The following EBF3 variants were observed in gnomAD, a reference collection of about 807,000 sequenced individuals.
EBF3 encodes EBF transcription factor 3, also known as transcription factor COE3.
A neutral mutation model predicts 77.1 loss-of-function variants in EBF3; 18 were observed. The ratio of observed to expected loss-of-function variants is 0.23; its 90% CI spans 0.16 to 0.35. EBF3 has a LOEUF of 0.35. Ranked by LOEUF, EBF3 falls within the 10% of genes least tolerant of loss-of-function variation. The pLI is 1.00. For synonymous variants in EBF3, 350 were observed against 343.5 expected, an observed-to-expected ratio of 1.02 and a Z score of -0.21; for missense variants, 558 against 860.0, an observed-to-expected ratio of 0.65 and a Z score of 4.39.
Position 129,840,458 on chromosome 10 carries a change from C to T in EBF3, c.1562-16G>A. 5.2e-6 allele frequency: 8 copies of T among 1,546,584 alleles called. No individual in the cohort carries two copies. The highest frequency in any genetic ancestry group is 7.0e-6 in the Non-Finnish European group (8 of 1,143,438). ...GACGGCACTACTGCAACAAAGCAAA[C>T]ACGGTCAGCACGCGCGGCCGCGGCA... On this transcript the variant is annotated splice_polypyrimidine_tract_variant and intron_variant, in intron 14 of 16. Coordinates refer to ENST00000440978, the MANE Select transcript of EBF3 (RefSeq NM_001375380.1).
intron 6 of EBF3, among the ~76,000 whole-genome samples, chr10:129,911,143 C>T (rs943983150): frequency 2.0e-5 from 3 of 152,230 alleles, no homozygotes; most frequent in South Asian, 2.1e-4. Context: ...TGCCCCCACA[C>T]GGCACATGGC....
intron 5 of EBF3, 61 bp from the exon 6 acceptor site, chr10:129,957,387 T>TC: frequency 7.5e-7 from 1 of 1,338,960 alleles, no homozygotes; most frequent in Non-Finnish European, 1.0e-6. Flanking sequence ...GCCCGACTTG[T>TC]ATTTTTTTTT....
At chr10:129,868,046 C>T (rs1852154158) in intron 8 of EBF3, 134 bp from the exon 9 acceptor site, 2 of 1,213,602 alleles carry the variant, frequency 1.6e-6, no homozygotes, top group Non-Finnish European at 2.3e-6. Flanking sequence ...ACGCAAAGGG[C>T]AACCGTAGAT....
chr10:129,958,012 C>T (rs1859168427), intron 5 of EBF3, among the ~76,000 whole-genome samples: 1 of 152,226 alleles, frequency 6.6e-6, no homozygotes, highest in African/African-American at 2.4e-5. Flanking sequence ...TAAAGAAAGT[C>T]TACAGTCTTC....
chr10:129,930,878 C>G (rs1396923017), intron 6 of EBF3, among the ~76,000 whole-genome samples: 1 of 148,874 alleles, frequency 6.7e-6, no homozygotes, highest in Non-Finnish European at 1.5e-5. Flanking sequence ...ATCCCCCTCT[C>G]ATATACCTAT....
intron 10 of EBF3, among the ~76,000 whole-genome samples, chr10:129,865,974 G>T (rs1339557043): frequency 6.6e-6 from 1 of 152,162 alleles, no homozygotes; most frequent in Admixed American, 6.5e-5. Flanking sequence ...TGCACATGCA[G>T]GTCAAGCCCA....
At chr10:129,958,216 A>G (rs1859186037) in intron 5 of EBF3, among the ~76,000 whole-genome samples, 1 of 152,268 alleles carries the variant, frequency 6.6e-6, no homozygotes, top group African/African-American at 2.4e-5. Flanking sequence ...CCGGCATCAT[A>G]GCCAGGCGGA....
intron 5 of EBF3, among the ~76,000 whole-genome samples, 184 bp downstream of exon 5, chr10:129,958,750 C>CAGCGCTGGGGGGAAGG: frequency 6.6e-6 from 1 of 152,312 alleles, no homozygotes; most frequent in South Asian, 2.1e-4. Context: ...CGTTGATCGT[C>CAGCGCTGGGGGGAAGG]AGCGCTGGGG....
rs538629722 is a variant in EBF3, at chr10:129,837,871, G to A, written c.*72C>T. Reference sequence around the variant, plus strand: ...ATCAGCATGTCTTAATATACTAAACGTGTCCCCTGAAGTCCGTCCTTTGAT... The same window carrying A: ...ATCAGCATGTCTTAATATACTAAACATGTCCCCTGAAGTCCGTCCTTTGAT... On this transcript the variant is annotated 3_prime_UTR_variant, in exon 17 of 17. Transcript: ENST00000440978. 3.0e-5 allele frequency: 48 copies of A among 1,606,350 alleles called. No homozygotes were observed. Among genetic ancestry groups the A allele is most frequent in the South Asian group, 2.0e-4 (18 of 90,786 alleles).
At chr10:129,859,333 C>A (rs147615228) in intron 10 of EBF3, among the ~76,000 whole-genome samples, 1 of 152,090 alleles carries the variant, frequency 6.6e-6, no homozygotes, top group Non-Finnish European at 1.5e-5. Flanking sequence ...GAGATTCTCC[C>A]GTCTCAGCCT....
At chr10:129,840,188 CCA>C in intron 15 of EBF3, 55 bp downstream of exon 15, 1 of 1,462,066 alleles carries the variant, frequency 6.8e-7, no homozygotes, top group Non-Finnish European at 9.3e-7. Flanking sequence ...ACCCCCACTC[CCA>C]TCCCCACCCC....
At chr10:129,845,954 T>C (rs1004010657) in intron 11 of EBF3, 4 of 148,806 alleles carry the variant, frequency 2.7e-5, no homozygotes, top group Admixed American at 1.3e-4. Context: ...TTTTTTACTA[T>C]AACATGTCTT....
In EBF3 at chr10:129,842,348, C is replaced by A; in HGVS notation, c.1195-55G>T. On this transcript the variant is annotated intron_variant, in intron 12 of 16. Transcript: ENST00000440978. This position sits in a 1 kb window ranked among gnomAD's most constrained non-coding sequence, Gnocchi z 4.4. ...GTCACCCCAGGCCCGGCCCAGCTGG[C>A]CGCACTCTCGGGGGCCCACCATGGT... 6.5e-7 allele frequency: 1 copy of A among 1,528,912 alleles called. No individual in the cohort carries two copies. Among genetic ancestry groups the A allele is most frequent in the Admixed American group, 2.0e-5 (1 of 49,050 alleles). The allele number at this position is 1,528,912 out of a possible 1,614,324, so 94.7% of individuals were successfully genotyped here.
intron 8 of EBF3, among the ~76,000 whole-genome samples, chr10:129,872,469 G>T (rs1280290132): frequency 6.6e-6 from 1 of 152,172 alleles, no homozygotes; most frequent in African/African-American, 2.4e-5. Flanking sequence ...ATTTCACGCT[G>T]ATAATCTGCA....
chr10:129,869,687 G>A (rs959731685), intron 8 of EBF3, among the ~76,000 whole-genome samples: 3 of 152,172 alleles, frequency 2.0e-5, no homozygotes, highest in African/African-American at 7.2e-5. Context: ...TTAGCACACC[G>A]CCGACATGCC....
At position 129,963,003 on chromosome 10, in the gene EBF3, C is replaced by T. The variant is rs776925765; in HGVS notation, c.294G>A (p.Glu98=). Residue 98 remains glutamate (E), a splice_region_variant and synonymous_variant, in exon 3 of 17, where the codon GAG becomes GAA. Coordinates refer to ENST00000440978, the MANE Select transcript of EBF3 (RefSeq NM_001375380.1). The surrounding 1 kb of genome is among the most constrained non-coding windows in gnomAD (Gnocchi z 7.1). The stretch of plus-strand genomic sequence containing the variant: ...CGTTGTTGGTTTTCTCGTTGTTTGG[C>T]TCCTGAAAGTAACGATAAATAATTG... The part of the protein sequence containing the change: ...AFVDFVEKEK[E]PNNEKTNNGI... The T allele has an allele frequency of 1.2e-6, 2 of 1,614,144 alleles. No homozygotes were observed.
chr10:129,955,621 T>C (rs900922967), intron 6 of EBF3, among the ~76,000 whole-genome samples: 1 of 152,378 alleles, frequency 6.6e-6, no homozygotes, highest in South Asian at 2.1e-4. Context: ...TATTAAAAGT[T>C]ATTCAGCATC....
At chr10:129,875,603 C>T (rs1852721455) in intron 7 of EBF3, among the ~76,000 whole-genome samples, 1 of 152,258 alleles carries the variant, frequency 6.6e-6, no homozygotes. Context: ...CCTGGCATTT[C>T]TTCCCCTTGG....
At chr10:129,851,536 A>G (rs1188208050) in intron 10 of EBF3, among the ~76,000 whole-genome samples, 4 of 152,210 alleles carry the variant, frequency 2.6e-5, no homozygotes, top group Non-Finnish European at 4.4e-5. Flanking sequence ...GGGGAAAAAA[A>G]CAATACGTTT....
Sources: allele counts gnomAD v4.1 joint callset (sites outside exome capture counted in the v4.1 genomes callset), GRCh38; gene constraint gnomAD v4.1.1; non-coding constraint Gnocchi (gnomAD v3.1); transcripts MANE v1.5; gene names NCBI Gene and HGNC (gene_info 2026-07-23, HGNC 2026-07-21).